FEM1C: variants seen among roughly 807,000 people sequenced by gnomAD.
FEM1C encodes protein fem-1 homolog C.
In FEM1C, 15 loss-of-function variants were observed where a neutral mutation model predicts 37.6. The ratio of observed to expected loss-of-function variants is 0.40; its 90% CI spans 0.27 to 0.61. The LOEUF (loss-of-function observed/expected upper bound fraction) is 0.61, where lower values mean the gene tolerates loss of function less well. Among genes scored for constraint, FEM1C ranks in the 20% least tolerant of loss-of-function variants. The pLI, the probability that FEM1C is intolerant of heterozygous loss-of-function variation, is 0.42. For synonymous variants in FEM1C, 287 were observed against 272.8 expected (o/e 1.05, Z -0.51); for missense variants, 532 against 749.7 (o/e 0.71, Z 3.39).
intron 2 of FEM1C, among the ~76,000 whole-genome samples, chr5:115,529,656 A>G (rs929002543): frequency 5.9e-5 from 9 of 152,050 alleles, no homozygotes; most frequent in Admixed American, 2.0e-4. Context: ...TTTAAAAATA[A>G]TATCTTGTAG....
rs1201033455 is a variant in FEM1C at position 115,524,510 on chromosome 5, C to T, written c.1652G>A (p.Gly551Asp). ...PDIMNLLIKS[G>D]AHFDATNLHK... is the part of the protein sequence containing the mutation. ...CAAGTTTGTGGCATCAAAATGTGCA[C>T]CTGATTTAATAAGGAGATTCATGAT... Residue 551 changes from glycine (G) to aspartate (D), a missense_variant, in exon 3 of 3, where the codon GGT becomes GAT. Transcript: ENST00000274457. 1.9e-6 allele frequency: 3 copies of T among 1,612,986 alleles called. No homozygotes were observed. Among genetic ancestry groups the T allele is most frequent in the East Asian group, 2.2e-5 (1 of 44,872 alleles).
chr5:115,535,303 C>CAA, intron 2 of FEM1C, among the ~76,000 whole-genome samples: 3 of 121,374 alleles, frequency 2.5e-5, no homozygotes, highest in African/African-American at 9.7e-5. Context: ...AAAAAACAAA[C>CAA]ACAGAATGAG....
chr5:115,537,044 T>G (rs1007203731), intron 2 of FEM1C, among the ~76,000 whole-genome samples: 1 of 152,002 alleles, frequency 6.6e-6, no homozygotes, highest in African/African-American at 2.4e-5. Context: ...CCCTGTCCTC[T>G]AGTTCACAGA....
chr5:115,530,388 C>T (rs1753989346), intron 2 of FEM1C, among the ~76,000 whole-genome samples: 1 of 151,922 alleles, frequency 6.6e-6, no homozygotes, highest in Non-Finnish European at 1.5e-5. Flanking sequence ...AATTAAGTTA[C>T]GTAAAGTAAA....
chr5:115,528,527 G>A (rs148156655), intron 2 of FEM1C, among the ~76,000 whole-genome samples: 14 of 152,148 alleles, frequency 9.2e-5, no homozygotes, highest in African/African-American at 2.9e-4. Flanking sequence ...ACTAGCTATC[G>A]CAAAAACTTA....
At chr5:115,534,623 C>T (rs1754086322) in intron 2 of FEM1C, among the ~76,000 whole-genome samples, 1 of 151,948 alleles carries the variant, frequency 6.6e-6, no homozygotes. Flanking sequence ...ACAGAATTTA[C>T]TGCTCTTTAT....
chr5:115,525,729 A>C (rs1753877117), intron 2 of FEM1C, 112 bp from the exon 3 acceptor site: 1 of 813,774 alleles, frequency 1.2e-6, no homozygotes, highest in Non-Finnish European at 1.8e-6. Context: ...TAAGTTCCTA[A>C]GTAGGACATA....
At chr5:115,528,120 T>G (rs995451607) in intron 2 of FEM1C, among the ~76,000 whole-genome samples, 1 of 150,522 alleles carries the variant, frequency 6.6e-6, no homozygotes, top group Non-Finnish European at 1.5e-5. Context: ...AGAAAAAAAG[T>G]AGCTTTAAAA....
chr5:115,531,841 T>C (rs569491240), intron 2 of FEM1C, among the ~76,000 whole-genome samples: 115 of 152,222 alleles, frequency 7.6e-4, no homozygotes, highest in Non-Finnish European at 1.3e-3. Flanking sequence ...ATTTGAACCC[T>C]GGGCCATAGT....
Position 115,543,593 on chromosome 5 carries a change from T to C in FEM1C, c.-100A>G. On this transcript the variant is annotated 5_prime_UTR_variant, in exon 2 of 3. Coordinates refer to ENST00000274457, the MANE Select transcript of FEM1C (RefSeq NM_020177.3). ...AAGAGTCACAGGAACCAAAGTCCAA[T>C]GTTAATTGCTGCACCCCAGAACGGA... The C allele has an allele frequency of 2.0e-6, 3 of 1,489,500 alleles. No individual in the cohort carries two copies. Among genetic ancestry groups the C allele is most frequent in the East Asian group, 2.3e-5 (1 of 43,922 alleles). 92.3% of individuals were successfully genotyped at this position (1,489,500 alleles called of 1,614,324 possible). A position where few individuals can be genotyped will look rare whatever the true frequency, so the allele number is the denominator to read the frequency against.
rs758800000 is a variant in FEM1C at position 115,524,506 on chromosome 5, T to C, written c.1656A>G (p.Ala552=). The C allele has an allele frequency of 6.2e-7, 1 of 1,613,072 alleles. No homozygotes were observed. Among genetic ancestry groups the C allele is most frequent in the Non-Finnish European group, 8.5e-7 (1 of 1,179,466 alleles). The change falls in exon 3 of 3, where the codon GCA becomes GCG. Residue 552 remains alanine (A), a synonymous_variant. Transcript: ENST00000274457. ...DIMNLLIKSG[A]HFDATNLHKQ... is the part of the protein sequence containing the mutation. ...TGTGCAAGTTTGTGGCATCAAAATG[T>C]GCACCTGATTTAATAAGGAGATTCA...
intron 2 of FEM1C, among the ~76,000 whole-genome samples, chr5:115,533,802 C>T (rs1307357062): frequency 6.7e-6 from 1 of 149,922 alleles, no homozygotes; most frequent in Non-Finnish European, 1.5e-5. Context: ...GGATATGCAG[C>T]AATGAAATTT....
Position 115,543,703 on chromosome 5 carries a change from G to C in FEM1C, c.-190-20C>G. 1 of 1,341,294 alleles carries C rather than the reference G, an allele frequency of 7.5e-7. No individual in the cohort carries two copies. Among genetic ancestry groups the C allele is most frequent in the Non-Finnish European group, 9.5e-7 (1 of 1,051,454 alleles). 83.1% of individuals were successfully genotyped at this position (1,341,294 alleles called of 1,614,324 possible). ...ACCAAACTAGAGAAAGAAAAAAAAA[G>C]TAGCAGCATTTAATTTTCTATAGAA... On this transcript the variant is annotated intron_variant, in intron 1 of 2. Coordinates refer to ENST00000274457, the MANE Select transcript of FEM1C (RefSeq NM_020177.3).
In FEM1C at chr5:115,524,214, G is replaced by C; in HGVS notation, c.*94C>G. 1 of 981,506 alleles carries C rather than the reference G, an allele frequency of 1.0e-6. No homozygotes were observed. The highest frequency in any genetic ancestry group is 1.6e-6 in the Non-Finnish European group (1 of 643,876). 60.8% of individuals were successfully genotyped at this position (981,506 alleles called of 1,614,324 possible). On this transcript the variant is annotated 3_prime_UTR_variant, in exon 3 of 3. Transcript: ENST00000274457. Reference sequence around the variant, plus strand: ...ATGAGAGCACAATGATATCAATCAAGCTAAATGAATGCTGGTGTTATCACA... The same window carrying C: ...ATGAGAGCACAATGATATCAATCAACCTAAATGAATGCTGGTGTTATCACA...
chr5:115,527,750 C>A (rs564076519), intron 2 of FEM1C, among the ~76,000 whole-genome samples: 2 of 152,148 alleles, frequency 1.3e-5, no homozygotes, highest in South Asian at 4.1e-4. Context: ...CGCCTGTAAT[C>A]CCAGCACTTT....
intron 2 of FEM1C, among the ~76,000 whole-genome samples, chr5:115,535,569 A>T (rs1393496182): frequency 6.6e-6 from 1 of 151,962 alleles, no homozygotes; most frequent in Non-Finnish European, 1.5e-5. Flanking sequence ...CACTTCCTAA[A>T]ATGGCTATAT....
In FEM1C at chr5:115,543,455, A is replaced by G. The variant is rs776726264; in HGVS notation, c.39T>C (p.Asp13=). 3 of 1,613,702 alleles carry G rather than the reference A, an allele frequency of 1.9e-6. No homozygotes were observed. In the Admixed American group the frequency reaches 5.0e-5, roughly 27 times the overall value. ...LKTAVFNAAR[D]GKLRLLTKLL... is the part of the protein sequence containing the mutation. ...ATTTGGTGAGAAGCCGGAGTTTGCC[A>G]TCCCGAGCTGCGTTAAATACTGCTG... Residue 13 remains aspartate, a synonymous_variant, in exon 2 of 3, where the codon GAT becomes GAC. Transcript: ENST00000274457.
At position 115,522,198 on chromosome 5, in the gene FEM1C, G is replaced by A. The variant is rs928056885; in HGVS notation, c.*2110C>T. 7.4e-5 allele frequency: 11 copies of A among 149,492 alleles called. No homozygotes were observed. Among genetic ancestry groups the A allele is most frequent in the African/African-American group, 2.5e-4 (10 of 40,480 alleles). The allele number at this position is 149,492 out of a possible 1,614,324, so 9.3% of individuals were successfully genotyped here. On this transcript the variant is annotated 3_prime_UTR_variant, in exon 3 of 3. Coordinates refer to ENST00000274457, the MANE Select transcript of FEM1C (RefSeq NM_020177.3). ...TGTCATCTGTTATCCTCAAATTATCGAGATCAACTAATGTAATTTACTATA... is the reference window on the plus strand; with the variant it reads ...TGTCATCTGTTATCCTCAAATTATCAAGATCAACTAATGTAATTTACTATA...
chr5:115,539,752 T>C (rs577315333), intron 2 of FEM1C, among the ~76,000 whole-genome samples: 6 of 152,208 alleles, frequency 3.9e-5, no homozygotes, highest in African/African-American at 1.4e-4. Flanking sequence ...GGACTGGCTA[T>C]CTTGTCTTAT....
Sources: gnomAD v4.1 joint callset for allele counts (sites outside exome capture counted in the v4.1 genomes callset) on GRCh38, gnomAD v4.1.1 for gene constraint, MANE v1.5 for transcripts, NCBI Gene and HGNC (gene_info 2026-07-23, HGNC 2026-07-21) for gene names.